The following AGAP1 variants were observed in gnomAD, a reference collection of about 807,000 sequenced individuals.
AGAP1 encodes ArfGAP with GTPase domain, ankyrin repeat and PH domain 1, also known as arf-GAP with GTPase, ANK repeat and PH domain-containing protein 1.
In AGAP1, 29 loss-of-function variants were observed where a neutral mutation model predicts 105.3. That is an observed-to-expected ratio of 0.28 (90% CI 0.21 to 0.38). The LOEUF (loss-of-function observed/expected upper bound fraction) is 0.38. Among genes scored for constraint, AGAP1 ranks in the 10% least tolerant of loss-of-function variants. The probability of loss-of-function intolerance (pLI) is 1.00; values close to 1 mark genes in which losing one functional copy is unlikely to be tolerated. For missense variants in AGAP1, 998 were observed against 1,165.1 expected, an observed-to-expected ratio of 0.86 and a Z score of 2.09; for synonymous variants, 509 against 485.9, an observed-to-expected ratio of 1.05 and a Z score of -0.63.
chr2:235,699,551 G>C (rs561640207), intron 1 of AGAP1, among the ~76,000 whole-genome samples: 2 of 152,164 alleles, frequency 1.3e-5, no homozygotes, highest in Non-Finnish European at 2.9e-5. Flanking sequence ...GCATTTTGTG[G>C]CTGAAATTTA....
In AGAP1 at chr2:235,494,669, G is replaced by T. The variant is rs1298707918; in HGVS notation, c.-18G>T. ...GCGGCGGCGGGGGGCGCGCGGCTCC[G>T]GGCGCGGCGCCTGCACCATGAACTA... On this transcript the variant is annotated 5_prime_UTR_variant, in exon 1 of 18. Transcript: ENST00000304032. 57 of 1,243,872 alleles carry T rather than the reference G, an allele frequency of 4.6e-5. No individual in the cohort carries two copies. The highest frequency in any genetic ancestry group is 5.9e-5 in the Non-Finnish European group (57 of 967,566). 77.1% of individuals were successfully genotyped at this position (1,243,872 alleles called of 1,614,324 possible).
At chr2:235,560,465 A>G (rs1002251886) in intron 1 of AGAP1, among the ~76,000 whole-genome samples, 4 of 152,122 alleles carry the variant, frequency 2.6e-5, no homozygotes, top group African/African-American at 4.8e-5. Flanking sequence ...GTTACCTCAC[A>G]TGGCAAAAGG....
rs1414048432 is a variant in AGAP1, at chr2:235,737,372, A to G, written c.311-3591A>G. On this transcript the variant is annotated intron_variant, in intron 3 of 17. Transcript: ENST00000304032. This position sits in a 1 kb window ranked among gnomAD's most constrained non-coding sequence, Gnocchi z 4.5. ...AATTATACTCTGTATCTGCCGGGGG[A>G]ATGTAAACTGACTTTAGGATTCGAA... Among the ~76,000 whole-genome samples the G allele has an allele frequency of 6.6e-6, 1 of 152,142 alleles. No homozygotes were observed. Among genetic ancestry groups the G allele is most frequent in the Non-Finnish European group, 1.5e-5 (1 of 68,036 alleles).
intron 1 of AGAP1, among the ~76,000 whole-genome samples, chr2:235,619,813 G>A (rs888336348): frequency 1.6e-4 from 25 of 152,202 alleles, no homozygotes; most frequent in African/African-American, 6.0e-4. Flanking sequence ...TCCTCTGATA[G>A]CACAGGTGTC....
rs1014331146 is a variant in AGAP1, at chr2:235,556,982, C to G, written c.163+62133C>G. Among the ~76,000 whole-genome samples, 1 of 152,178 alleles carries G rather than the reference C, an allele frequency of 6.6e-6. No homozygotes were observed. The highest frequency in any genetic ancestry group is 2.4e-5 in the African/African-American group (1 of 41,444). On this transcript the variant is annotated intron_variant, in intron 1 of 17. Transcript: ENST00000304032. This position sits in a 1 kb window ranked among gnomAD's most constrained non-coding sequence, Gnocchi z 5.3. ...TGAGGATATAGCGTTTAGTGCACAC[C>G]TCTTTTGTGCAACTCAGGGCTTTCT...
intron 1 of AGAP1, among the ~76,000 whole-genome samples, chr2:235,548,994 T>C (rs570921821): frequency 6.6e-6 from 1 of 152,342 alleles, no homozygotes; most frequent in African/African-American, 2.4e-5. Flanking sequence ...GGACCTGCCC[T>C]GCTTTGCTTG....
intron 12 of AGAP1, among the ~76,000 whole-genome samples, chr2:235,950,495 C>T (rs1375483907): frequency 6.6e-6 from 1 of 151,980 alleles, no homozygotes; most frequent in East Asian, 1.9e-4. Context: ...GGGCTGGCAG[C>T]GCTGGGAAGG....
chr2:235,793,662 G>T lies in AGAP1; in HGVS notation c.674-4097G>T, dbSNP rs1431456887. Among the ~76,000 whole-genome samples the T allele has an allele frequency of 6.6e-6, 1 of 152,160 alleles. No individual in the cohort carries two copies. Among genetic ancestry groups the T allele is most frequent in the East Asian group, 1.9e-4 (1 of 5,166 alleles). On this transcript the variant is annotated intron_variant, in intron 6 of 17. Transcript: ENST00000304032. This position sits in a 1 kb window ranked among gnomAD's most constrained non-coding sequence, Gnocchi z 5.3. The stretch of plus-strand genomic sequence containing the variant: ...TCAGCCTTTGAGCAGCAAAAAGGAG[G>T]AAGGGGGAGGAGGAGGAGCTGTCCT...
At chr2:235,579,328 G>GGT (rs1944848098) in intron 1 of AGAP1, among the ~76,000 whole-genome samples, 1 of 152,158 alleles carries the variant, frequency 6.6e-6, no homozygotes, top group African/African-American at 2.4e-5. Flanking sequence ...CATGCCCTGA[G>GGT]GTCTCCAGCC....
Position 236,126,735 on chromosome 2 carries a change from C to T in AGAP1, c.*2613C>T, listed in dbSNP as rs1195503870. ...CTTTCTAGGGCCCAAGTTTTGGTAG[C>T]AGAAGGAAAGGCAGTTTTTGAGGGT... On this transcript the variant is annotated 3_prime_UTR_variant, in exon 18 of 18. Coordinates refer to ENST00000304032, the MANE Select transcript of AGAP1 (RefSeq NM_001037131.3). 1 of 152,082 alleles carries T rather than the reference C, an allele frequency of 6.6e-6. No homozygotes were observed. The highest frequency in any genetic ancestry group is 2.4e-5 in the African/African-American group (1 of 41,388). The allele number at this position is 152,082 out of a possible 1,614,324, so 9.4% of individuals were successfully genotyped here. A position where few individuals can be genotyped will look rare whatever the true frequency, so the allele number is the denominator to read the frequency against.
intron 1 of AGAP1, among the ~76,000 whole-genome samples, chr2:235,646,864 G>A (rs1031383589): frequency 2.0e-5 from 3 of 152,132 alleles, no homozygotes; most frequent in African/African-American, 4.8e-5. Flanking sequence ...TGCCGCGTGC[G>A]GTGGCTCACG....
chr2:235,907,687 A>G (rs1309254067), intron 10 of AGAP1, among the ~76,000 whole-genome samples: 1 of 152,206 alleles, frequency 6.6e-6, no homozygotes, highest in African/African-American at 2.4e-5. Context: ...CAGAATACCA[A>G]GATCCTCAGA....
chr2:235,944,250 A>G (rs753984391), intron 12 of AGAP1, among the ~76,000 whole-genome samples: 7 of 152,226 alleles, frequency 4.6e-5, no homozygotes, highest in Non-Finnish European at 8.8e-5. Context: ...CGATAAATAC[A>G]TCACACTATT....
intron 12 of AGAP1, among the ~76,000 whole-genome samples, chr2:235,950,627 C>G (rs1559685579): frequency 6.6e-6 from 1 of 152,150 alleles, no homozygotes; most frequent in Non-Finnish European, 1.5e-5. Flanking sequence ...GCTGAATAGC[C>G]AGCCAGCCAG....
rs149874538 is a variant in AGAP1 at position 235,928,454 on chromosome 2, C to T, written c.1325-2311C>T. Among the ~76,000 whole-genome samples the T allele has an allele frequency of 2.2e-4, 33 of 152,260 alleles. No individual in the cohort carries two copies. The East Asian group carries it at 5.8e-3, about 27-fold the overall frequency. ...CCCAGCAAGACAACTGCTCGGGGAA[C>T]GAGCCCTGGAGTCAGCACCCACCCT... On this transcript the variant is annotated intron_variant, in intron 11 of 17. Transcript: ENST00000304032.
intron 1 of AGAP1, among the ~76,000 whole-genome samples, chr2:235,630,808 A>C (rs1376577601): frequency 6.6e-6 from 1 of 152,136 alleles, no homozygotes. Flanking sequence ...CACCATGGCA[A>C]CGCTCAGCCC....
rs777204816 is a variant in AGAP1 at position 235,930,846 on chromosome 2, A to G, written c.1406A>G (p.His469Arg). 2 of 1,614,038 alleles carry G rather than the reference A, an allele frequency of 1.2e-6. No individual in the cohort carries two copies. The highest frequency in any genetic ancestry group is 8.5e-7 in the Non-Finnish European group (1 of 1,179,994). ...TTCAACAGCCGACCCGACGGCATGCACCAGCGCTCCTACTCAGTCTCCAGT... is the reference window on the plus strand; with the variant it reads ...TTCAACAGCCGACCCGACGGCATGCGCCAGCGCTCCTACTCAGTCTCCAGT... ...VSFNSRPDGMHQRSYSVSSAD... is the reference protein window; with the variant it reads ...VSFNSRPDGMRQRSYSVSSAD... Residue 469 changes from histidine to arginine, a missense_variant, in exon 12 of 18, where the codon CAC becomes CGC. This residue lies in a region of AGAP1 where 735 missense variants were observed against 833.4 expected (regional missense o/e 0.88). Transcript: ENST00000304032. This position sits in a 1 kb window ranked among gnomAD's most constrained non-coding sequence, Gnocchi z 7.9.
chr2:235,618,324 G>A (rs761404549), intron 1 of AGAP1, among the ~76,000 whole-genome samples: 1 of 152,284 alleles, frequency 6.6e-6, no homozygotes. Flanking sequence ...TTCGGGAGCA[G>A]TTGGTTTTCC....
At position 236,035,853 on chromosome 2, in the gene AGAP1, A is replaced by T. The variant is rs1423375297; in HGVS notation, c.1646-708A>T. ...AGTCGGTGCCCTTTTCCTTCATTTT[A>T]TGGGTTAGAAAAAATGAACCTCAGG... On this transcript the variant is annotated intron_variant, in intron 13 of 17. Transcript: ENST00000304032. The surrounding 1 kb of genome is among the most constrained non-coding windows in gnomAD (Gnocchi z 4.2). Among the ~76,000 whole-genome samples the T allele has an allele frequency of 6.6e-6, 1 of 152,074 alleles. No homozygotes were observed. The highest frequency in any genetic ancestry group is 1.9e-4 in the East Asian group (1 of 5,172).
Sources: allele counts gnomAD v4.1 joint callset (sites outside exome capture counted in the v4.1 genomes callset), GRCh38; gene constraint gnomAD v4.1.1; regional missense constraint gnomAD v4.1.1; non-coding constraint Gnocchi (gnomAD v3.1); transcripts MANE v1.5; gene names NCBI Gene and HGNC (gene_info 2026-07-23, HGNC 2026-07-21).